The following TANC2 variants were observed in gnomAD, a reference collection of about 807,000 sequenced individuals.
TANC2 encodes tetratricopeptide repeat, ankyrin repeat and coiled-coil containing 2, also known as protein TANC2.
Under a neutral mutation model 210.5 loss-of-function variants are expected in TANC2, and 26 were observed. The ratio of observed to expected loss-of-function variants is 0.12; its 90% confidence interval spans 0.09 to 0.17. TANC2 has a LOEUF of 0.17. TANC2 is among the 10% of genes least tolerant of loss of function. The pLI is 1.00. For synonymous variants in TANC2, 931 were observed against 967.1 expected, an observed-to-expected ratio of 0.96 and a Z score of 0.69; for missense variants, 2,129 against 2,608.9, an observed-to-expected ratio of 0.82 and a Z score of 4.01.
intron 4 of TANC2, among the ~76,000 whole-genome samples, chr17:63,103,066 C>G (rs541788745): frequency 1.7e-4 from 26 of 150,648 alleles, no homozygotes; most frequent in Non-Finnish European, 3.1e-4. Context: ...CAAGGAAGGT[C>G]CTGGAACCAG....
chr17:63,015,468 G>A (rs1204235330), intron 2 of TANC2, among the ~76,000 whole-genome samples: 3 of 151,078 alleles, frequency 2.0e-5, no homozygotes, highest in Non-Finnish European at 4.4e-5. Flanking sequence ...CCCTCCCCCC[G>A]CTTCCCACCC....
intron 5 of TANC2, among the ~76,000 whole-genome samples, chr17:63,190,074 C>T (rs544202980): frequency 7.9e-5 from 12 of 152,108 alleles, no homozygotes; most frequent in Non-Finnish European, 1.8e-4. Context: ...GTGACTCATG[C>T]CTGTAATTTT....
At chr17:63,058,633 T>G (rs1378723098) in intron 2 of TANC2, among the ~76,000 whole-genome samples, 1 of 152,196 alleles carries the variant, frequency 6.6e-6, no homozygotes. Context: ...TTCAGTCTTC[T>G]GCATATGGCT....
chr17:63,230,405 C>T (rs1343123371), intron 7 of TANC2, among the ~76,000 whole-genome samples: 5 of 151,130 alleles, frequency 3.3e-5, no homozygotes, highest in African/African-American at 9.9e-5. Flanking sequence ...TTCTAGCTTT[C>T]GATGTGGGCA....
At chr17:63,038,242 A>G (rs1443699029) in intron 2 of TANC2, among the ~76,000 whole-genome samples, 1 of 152,170 alleles carries the variant, frequency 6.6e-6, no homozygotes, top group Non-Finnish European at 1.5e-5. Context: ...TAATTTTTTA[A>G]AAAAATACTT....
At chr17:63,303,749 G>C (rs2044801534) in intron 9 of TANC2, among the ~76,000 whole-genome samples, 1 of 151,456 alleles carries the variant, frequency 6.6e-6, no homozygotes, top group Admixed American at 6.6e-5. Flanking sequence ...TCACAGGTTT[G>C]GTCTTTTTAC....
chr17:63,262,783 C>A (rs1344273489), intron 8 of TANC2, among the ~76,000 whole-genome samples: 1 of 151,960 alleles, frequency 6.6e-6, no homozygotes, highest in Non-Finnish European at 1.5e-5. Flanking sequence ...TCTCAACCCC[C>A]AAAAAAGAAA....
exon 28 of TANC2, chr17:63,425,879 A>C (rs970325602): frequency 2.6e-5 from 4 of 152,306 alleles, no homozygotes; most frequent in Admixed American, 2.0e-4. Flanking sequence ...CCCTCCTGTC[A>C]GTTCCTCTCA....
At chr17:63,170,283 AG>A (rs1303501916) in intron 5 of TANC2, among the ~76,000 whole-genome samples, 2 of 148,984 alleles carry the variant, frequency 1.3e-5, no homozygotes, top group Admixed American at 6.7e-5. Context: ...AAAAAAAAAA[AG>A]GTTAGCTGGG....
At chr17:63,281,771 A>G (rs1356228233) in intron 9 of TANC2, among the ~76,000 whole-genome samples, 2 of 152,080 alleles carry the variant, frequency 1.3e-5, no homozygotes, top group Non-Finnish European at 2.9e-5. Context: ...CCTAAATCCA[A>G]TGACGGTATT....
Position 63,273,693 on chromosome 17 carries a change from A to G in TANC2, c.1159+5820A>G, listed in dbSNP as rs182329546. The stretch of plus-strand genomic sequence containing the variant: ...GCTCTACACCTCCAAAGAGCTCCCA[A>G]ATCCAACTACTTTTCACCTCCTTCA... On this transcript the variant is annotated intron_variant, in intron 9 of 27. Transcript: ENST00000689528. 2.7e-3 allele frequency among the ~76,000 whole-genome samples: 414 copies of G among 152,314 alleles called. 4 individuals are homozygous for G. Among genetic ancestry groups the G allele is most frequent in the Middle Eastern group, 0.01 (3 of 294 alleles).
chr17:63,298,339 A>T, intron 9 of TANC2, among the ~76,000 whole-genome samples: 1 of 152,200 alleles, frequency 6.6e-6, no homozygotes, highest in East Asian at 1.9e-4. Context: ...ATCATGGTAT[A>T]TATGTACAAT....
chr17:63,141,624 A>C (rs962131374), intron 4 of TANC2, among the ~76,000 whole-genome samples: 4 of 151,878 alleles, frequency 2.6e-5, no homozygotes, highest in Admixed American at 1.3e-4. Context: ...AAAGTGAGGT[A>C]ATTGTTTTTA....
At chr17:63,341,273 A>G (rs2046220947) in intron 12 of TANC2, among the ~76,000 whole-genome samples, 2 of 152,216 alleles carry the variant, frequency 1.3e-5, no homozygotes, top group South Asian at 2.1e-4. Flanking sequence ...GACCTCTGTC[A>G]CTACCTTTGC....
chr17:62,991,533 G>T (rs921966579), intron 1 of TANC2, among the ~76,000 whole-genome samples: 1 of 151,726 alleles, frequency 6.6e-6, no homozygotes, highest in Non-Finnish European at 1.5e-5. Flanking sequence ...CCAACTTCTC[G>T]GGAGGCTGAG....
At chr17:63,393,853 C>T (rs1438400191) in intron 17 of TANC2, among the ~76,000 whole-genome samples, 1 of 151,686 alleles carries the variant, frequency 6.6e-6, no homozygotes, top group Non-Finnish European at 1.5e-5. Flanking sequence ...TCACTGCAAT[C>T]TCCGCCTCCC....
chr17:63,312,971 G>A (rs557805858), intron 9 of TANC2, among the ~76,000 whole-genome samples: 20 of 152,218 alleles, frequency 1.3e-4, no homozygotes, highest in African/African-American at 4.8e-4. Context: ...TGGCTTTCAG[G>A]CAGTTTTAAA....
chr17:63,411,488 T>A, intron 21 of TANC2, 23 bp from the exon 22 acceptor site: 1 of 1,596,420 alleles, frequency 6.3e-7, no homozygotes, highest in Non-Finnish European at 8.5e-7. Flanking sequence ...TCCTCAGCCC[T>A]GTGCTATCAC....
At chr17:63,154,268 C>A (rs977999430) in intron 5 of TANC2, 2 of 152,100 alleles carry the variant, frequency 1.3e-5, no homozygotes, top group Non-Finnish European at 2.9e-5. Context: ...GGGTCACAAG[C>A]AGGATTTGTT....
Sources: gnomAD v4.1 joint callset for allele counts (sites outside exome capture counted in the v4.1 genomes callset) on GRCh38, gnomAD v4.1.1 for gene constraint, MANE v1.5 for transcripts, NCBI Gene and HGNC (gene_info 2026-07-23, HGNC 2026-07-21) for gene names.